Variants in MACROD2 observed in about 807,000 individuals in gnomAD.
MACROD2 encodes mono-ADP ribosylhydrolase 2, also known as ADP-ribose glycohydrolase MACROD2.
A neutral mutation model predicts 70.4 loss-of-function variants in MACROD2; 36 were observed. The observed-to-expected ratio is 0.51, with a 90% CI of 0.39 to 0.68. The LOEUF is 0.68. Among genes scored for constraint, MACROD2 ranks in the 30% least tolerant of loss-of-function variants. MACROD2 has a pLI of 0.00. For synonymous variants in MACROD2, 172 were observed against 178.8 expected, an observed-to-expected ratio of 0.96 and a Z score of 0.30; for missense variants, 496 against 538.4, an observed-to-expected ratio of 0.92 and a Z score of 0.78.
intron 4 of MACROD2, among the ~76,000 whole-genome samples, chr20:14,534,001 G>A (rs2085335834): frequency 6.6e-6 from 1 of 152,086 alleles, no homozygotes; most frequent in Non-Finnish European, 1.5e-5. Context: ...GTAATATTTA[G>A]TTCTTCTTCT....
chr20:16,025,009 G>T (rs1018238434), intron 15 of MACROD2, among the ~76,000 whole-genome samples: 1 of 152,154 alleles, frequency 6.6e-6, no homozygotes, highest in Non-Finnish European at 1.5e-5. Context: ...AAACTGGATT[G>T]CCTTCTTCTC....
intron 3 of MACROD2, chr20:14,327,320 G>A: frequency 3.7e-6 from 6 of 1,613,834 alleles, no homozygotes; most frequent in Non-Finnish European, 3.4e-6. Context: ...TGAAGGTAGA[G>A]AGTTGTAGCA....
At chr20:15,217,235 C>T (rs550816337) in intron 5 of MACROD2, among the ~76,000 whole-genome samples, 18 of 152,202 alleles carry the variant, frequency 1.2e-4, no homozygotes, top group African/African-American at 4.3e-4. Context: ...GAATGTATTC[C>T]TATCCCATGT....
chr20:15,735,034 C>T (rs1282209437), intron 8 of MACROD2, among the ~76,000 whole-genome samples: 1 of 152,000 alleles, frequency 6.6e-6, no homozygotes, highest in Non-Finnish European at 1.5e-5. Flanking sequence ...GATCTCGGTT[C>T]ACTGCAACCT....
At chr20:14,596,758 A>G (rs1178986460) in intron 4 of MACROD2, among the ~76,000 whole-genome samples, 2 of 152,194 alleles carry the variant, frequency 1.3e-5, no homozygotes, top group African/African-American at 4.8e-5. Context: ...AAGTTGCTCA[A>G]CTTCTTTGAG....
chr20:14,937,194 G>T (rs1397691814), intron 5 of MACROD2, among the ~76,000 whole-genome samples: 1 of 151,998 alleles, frequency 6.6e-6, no homozygotes, highest in Admixed American at 6.6e-5. Context: ...GTGGAGGTAG[G>T]GGTGGAGGTA....
At chr20:14,096,657 C>T (rs2054231115) in intron 3 of MACROD2, among the ~76,000 whole-genome samples, 1 of 152,152 alleles carries the variant, frequency 6.6e-6, no homozygotes, top group South Asian at 2.1e-4. Flanking sequence ...GCTACTGCAC[C>T]TGGCTAGTTT....
chr20:14,244,096 A>T (rs1251982874), intron 3 of MACROD2, among the ~76,000 whole-genome samples: 1 of 152,216 alleles, frequency 6.6e-6, no homozygotes, highest in Non-Finnish European at 1.5e-5. Flanking sequence ...AGTGCATTTT[A>T]GGTGCCAGCT....
chr20:15,528,082 A>G (rs144812876), intron 8 of MACROD2, among the ~76,000 whole-genome samples: 4 of 152,310 alleles, frequency 2.6e-5, no homozygotes, highest in African/African-American at 4.8e-5. Context: ...ATATAGAGCA[A>G]TGTTTCTCAA....
intron 2 of MACROD2, chr20:14,003,592 G>A (rs1193016306): frequency 9.5e-6 from 4 of 423,136 alleles, no homozygotes; most frequent in Non-Finnish European, 1.4e-5. Context: ...GCCTGATCAC[G>A]TGAGCATCAT....
chr20:15,625,456 A>G (rs1445943926), intron 8 of MACROD2, among the ~76,000 whole-genome samples: 19 of 152,234 alleles, frequency 1.2e-4, no homozygotes, highest in Admixed American at 1.0e-3. Flanking sequence ...AACTATTTCT[A>G]TAACCGTAAA....
intron 5 of MACROD2, among the ~76,000 whole-genome samples, chr20:14,942,838 T>G (rs1336840105): frequency 6.6e-6 from 1 of 152,172 alleles, no homozygotes; most frequent in Non-Finnish European, 1.5e-5. Context: ...TCAAGTGCCT[T>G]GCTTTATCTT....
At chr20:14,617,889 G>A (rs1426587821) in intron 4 of MACROD2, among the ~76,000 whole-genome samples, 1 of 152,140 alleles carries the variant, frequency 6.6e-6, no homozygotes, top group Non-Finnish European at 1.5e-5. Flanking sequence ...GAATGCTTTG[G>A]TGGTTATTTG....
At chr20:14,829,181 G>A (rs915824965) in intron 5 of MACROD2, among the ~76,000 whole-genome samples, 2 of 146,602 alleles carry the variant, frequency 1.4e-5, no homozygotes, top group African/African-American at 5.1e-5. Context: ...CCAGGCTGGA[G>A]TACAGTGGCA....
chr20:15,800,047 A>G (rs1600910288), intron 8 of MACROD2, among the ~76,000 whole-genome samples: 1 of 151,982 alleles, frequency 6.6e-6, no homozygotes, highest in African/African-American at 2.4e-5. Context: ...CATGATGTTG[A>G]GCAATTTTCA....
intron 5 of MACROD2, among the ~76,000 whole-genome samples, chr20:14,982,490 A>G (rs964084128): frequency 3.9e-5 from 6 of 152,086 alleles, no homozygotes; most frequent in African/African-American, 1.2e-4. Context: ...GGAGGAAAAA[A>G]TGGTTTAATG....
At chr20:15,391,456 T>C (rs1169428135) in intron 6 of MACROD2, among the ~76,000 whole-genome samples, 2 of 152,186 alleles carry the variant, frequency 1.3e-5, no homozygotes, top group Admixed American at 1.3e-4. Flanking sequence ...GTGTAGAACA[T>C]AGACCAGGTC....
At chr20:15,650,225 C>A (rs932272827) in intron 8 of MACROD2, among the ~76,000 whole-genome samples, 6 of 152,132 alleles carry the variant, frequency 3.9e-5, no homozygotes, top group African/African-American at 1.4e-4. Context: ...GGAATCCAAA[C>A]AGGTTTTCTT....
intron 5 of MACROD2, among the ~76,000 whole-genome samples, chr20:14,797,161 C>T (rs934820562): frequency 2.0e-5 from 3 of 152,002 alleles, no homozygotes; most frequent in African/African-American, 7.3e-5. Context: ...CCTGCTGAGC[C>T]CAAACTACCA....
Sources: gnomAD v4.1 joint callset for allele counts (sites outside exome capture counted in the v4.1 genomes callset) on GRCh38, gnomAD v4.1.1 for gene constraint, MANE v1.5 for transcripts, NCBI Gene and HGNC (gene_info 2026-07-23, HGNC 2026-07-21) for gene names.